LSAMP: variants seen among roughly 807,000 people sequenced by gnomAD.
LSAMP encodes the protein limbic system associated membrane protein, also known as limbic system-associated membrane protein.
In LSAMP, 7 loss-of-function variants were observed where a neutral mutation model predicts 38.6. The observed-to-expected ratio is 0.18, with a 90% CI of 0.10 to 0.34. The LOEUF is 0.34. Ranked by LOEUF, LSAMP falls within the 10% of genes least tolerant of loss-of-function variation. The pLI, the probability that LSAMP is intolerant of heterozygous loss-of-function variation, is 1.00. For missense variants in LSAMP, 313 were observed against 420.0 expected, an observed-to-expected ratio of 0.75 and a Z score of 2.23; for synonymous variants, 154 against 166.8, an observed-to-expected ratio of 0.92 and a Z score of 0.59.
chr3:116,279,833 G>A (rs1436790584), intron 1 of LSAMP, among the ~76,000 whole-genome samples: 2 of 152,036 alleles, frequency 1.3e-5, no homozygotes, highest in African/African-American at 4.8e-5. Context: ...TGCTATAAAT[G>A]ATTTTCATAT....
intron 3 of LSAMP, among the ~76,000 whole-genome samples, chr3:115,949,596 C>T (rs1427734509): frequency 1.3e-5 from 2 of 151,668 alleles, no homozygotes; most frequent in Non-Finnish European, 2.9e-5. Flanking sequence ...AAAAAAATTG[C>T]CAACAACCAG....
intron 1 of LSAMP, among the ~76,000 whole-genome samples, chr3:116,313,543 A>G (rs948495531): frequency 6.6e-6 from 1 of 152,204 alleles, no homozygotes; most frequent in Non-Finnish European, 1.5e-5. Context: ...TCTAGTCCAC[A>G]GGGGTTGGGC....
chr3:115,971,294 T>C (rs2107611425), intron 3 of LSAMP, among the ~76,000 whole-genome samples: 1 of 152,326 alleles, frequency 6.6e-6, no homozygotes, highest in Admixed American at 6.5e-5. Context: ...ATTAAAAGTT[T>C]CATAATAAAA....
chr3:116,110,018 G>A (rs919218940), intron 1 of LSAMP, among the ~76,000 whole-genome samples: 3 of 151,760 alleles, frequency 2.0e-5, no homozygotes, highest in Admixed American at 2.0e-4. Context: ...GAGGAAATAA[G>A]GGATTGGGGC....
At chr3:116,060,178 TAA>T (rs1274174471) in intron 2 of LSAMP, among the ~76,000 whole-genome samples, 1 of 147,926 alleles carries the variant, frequency 6.8e-6, no homozygotes, top group Non-Finnish European at 1.5e-5. Flanking sequence ...CTCTCTTGCC[TAA>T]GTCTTTAAAG....
intron 3 of LSAMP, among the ~76,000 whole-genome samples, chr3:115,940,869 T>C (rs999977268): frequency 6.6e-6 from 1 of 152,210 alleles, no homozygotes; most frequent in Admixed American, 6.6e-5. Flanking sequence ...GGGACTGTGA[T>C]ACAAAGAAGC....
chr3:116,173,816 C>A (rs1411710341), intron 1 of LSAMP, among the ~76,000 whole-genome samples: 2 of 147,596 alleles, frequency 1.4e-5, no homozygotes, highest in East Asian at 4.0e-4. Flanking sequence ...GGAAAGCAAT[C>A]TCCAGTTTCT....
At chr3:115,886,506 G>C (rs576466429) in intron 3 of LSAMP, among the ~76,000 whole-genome samples, 9 of 151,938 alleles carry the variant, frequency 5.9e-5, no homozygotes, top group African/African-American at 2.2e-4. Flanking sequence ...AGCAAATGAA[G>C]TTCCAAAATT....
intron 1 of LSAMP, among the ~76,000 whole-genome samples, chr3:116,102,933 T>G (rs951712847): frequency 1.2e-4 from 18 of 152,212 alleles, no homozygotes; most frequent in African/African-American, 4.3e-4. Context: ...TATACCTTGC[T>G]CTTTATCACA....
chr3:115,991,611 T>C (rs539586840), intron 3 of LSAMP, among the ~76,000 whole-genome samples: 8 of 152,172 alleles, frequency 5.3e-5, no homozygotes, highest in South Asian at 2.1e-4. Context: ...TCTTACATAG[T>C]CATAGTAATC....
At chr3:115,986,211 A>G (rs567782490) in intron 3 of LSAMP, among the ~76,000 whole-genome samples, 2 of 152,298 alleles carry the variant, frequency 1.3e-5, no homozygotes, top group South Asian at 4.1e-4. Context: ...CAAGGACCAT[A>G]TTAAGGGTGG....
intron 1 of LSAMP, among the ~76,000 whole-genome samples, chr3:116,327,306 T>A (rs562151240): frequency 6.6e-6 from 1 of 152,294 alleles, no homozygotes; most frequent in East Asian, 1.9e-4. Context: ...TCTAGTAAGG[T>A]CAAGTTGTTC....
At chr3:116,067,180 T>C (rs891464130) in intron 2 of LSAMP, among the ~76,000 whole-genome samples, 33 of 152,164 alleles carry the variant, frequency 2.2e-4, no homozygotes, top group African/African-American at 7.7e-4. Context: ...CCTTTCTATA[T>C]TCCTATGATG....
At chr3:115,955,897 G>A (rs78022836) in intron 3 of LSAMP, among the ~76,000 whole-genome samples, 2 of 152,250 alleles carry the variant, frequency 1.3e-5, no homozygotes, top group Admixed American at 6.5e-5. Context: ...GATGAAAGGA[G>A]TGAAGTCCTA....
Position 115,932,780 on chromosome 3 carries a change from G to T in LSAMP, c.515-80163C>A, listed in dbSNP as rs181401374. Among the ~76,000 whole-genome samples, 373 of 152,278 alleles carry T rather than the reference G, an allele frequency of 2.4e-3. 1 individual carries two copies. Among genetic ancestry groups the T allele is most frequent in the African/African-American group, 8.6e-3 (357 of 41,556 alleles). ...GTATCTAATGACTTCATTTAGTGGA[G>T]AAATATTATTCAATTATTATTCAAT... On this transcript the variant is annotated intron_variant, in intron 3 of 6. Transcript: ENST00000490035.
chr3:115,978,783 C>A (rs997050629), intron 3 of LSAMP, among the ~76,000 whole-genome samples: 2 of 151,880 alleles, frequency 1.3e-5, no homozygotes, highest in East Asian at 3.9e-4. Flanking sequence ...AGTGACCTTG[C>A]TGATAAAGGC....
rs74466464 is a variant in LSAMP at position 116,392,504 on chromosome 3, C to G, written c.155+52373G>C. On this transcript the variant is annotated intron_variant, in intron 1 of 6. Transcript: ENST00000490035. ...CTCAGCCTCCTCTGGACTTAGGGCA[C>G]TGACAAGCACAGGAGAGAGGCTGAG... Among the ~76,000 whole-genome samples the G allele has an allele frequency of 3.7e-3, 560 of 152,370 alleles. 1 individual carries two copies. Among genetic ancestry groups the G allele is most frequent in the East Asian group, 0.026 (135 of 5,168 alleles).
At chr3:116,299,504 T>C (rs1181008076) in intron 1 of LSAMP, among the ~76,000 whole-genome samples, 1 of 152,236 alleles carries the variant, frequency 6.6e-6, no homozygotes, top group Admixed American at 6.5e-5. Context: ...ATTGTGCTCA[T>C]TGTAAAATGT....
chr3:115,872,380 AC>A (rs1192311656), intron 3 of LSAMP, among the ~76,000 whole-genome samples: 1 of 152,146 alleles, frequency 6.6e-6, no homozygotes, highest in Non-Finnish European at 1.5e-5. Flanking sequence ...CCCATGTGCC[AC>A]CCTGCGGCAT....
Sources: allele counts gnomAD v4.1 joint callset (sites outside exome capture counted in the v4.1 genomes callset), GRCh38; gene constraint gnomAD v4.1.1; transcripts MANE v1.5; gene names NCBI Gene and HGNC (gene_info 2026-07-23, HGNC 2026-07-21).